DLC1: variants seen among roughly 807,000 people sequenced by gnomAD.
The protein encoded by DLC1 is rho GTPase-activating protein 7.
Under a neutral mutation model 140.3 loss-of-function variants are expected in DLC1, and 54 were observed. The ratio of observed to expected loss-of-function variants is 0.38; its 90% confidence interval spans 0.31 to 0.48. The LOEUF is 0.48. Among genes scored for constraint, DLC1 ranks in the 20% least tolerant of loss-of-function variants. The probability of loss-of-function intolerance (pLI) is 0.96; values close to 1 mark genes in which losing one functional copy is unlikely to be tolerated. For missense variants in DLC1, 2,536 were observed against 1,907.0 expected, an observed-to-expected ratio of 1.33 and a Z score of -6.14; for synonymous variants, 986 against 728.1, an observed-to-expected ratio of 1.35 and a Z score of -5.70.
chr8:13,307,024 C>T (rs2117528996), intron 4 of DLC1, among the ~76,000 whole-genome samples: 1 of 129,870 alleles, frequency 7.7e-6, no homozygotes, highest in South Asian at 2.5e-4. Flanking sequence ...ATAGAAGTTG[C>T]AGTGAGCCGA....
At chr8:13,562,211 A>T (rs563679200) in intron 1 of DLC1, among the ~76,000 whole-genome samples, 102 of 152,304 alleles carry the variant, frequency 6.7e-4, no homozygotes, top group South Asian at 1.5e-3. Flanking sequence ...AAGGGCAAGT[A>T]GGAAAAAGAT....
At chr8:13,345,938 T>C (rs1281312935) in intron 4 of DLC1, among the ~76,000 whole-genome samples, 3 of 152,202 alleles carry the variant, frequency 2.0e-5, no homozygotes, top group Non-Finnish European at 2.9e-5. Context: ...CATAAACCTT[T>C]GGTAGTTGTG....
chr8:13,323,088 C>T (rs1833190343), intron 4 of DLC1, among the ~76,000 whole-genome samples: 2 of 152,182 alleles, frequency 1.3e-5, no homozygotes, highest in South Asian at 2.1e-4. Flanking sequence ...CTGTGGAAAA[C>T]CCTATGACAT....
At chr8:13,563,804 T>C (rs1429823739) in intron 1 of DLC1, among the ~76,000 whole-genome samples, 1 of 152,180 alleles carries the variant, frequency 6.6e-6, no homozygotes. Flanking sequence ...ACCTTGCATC[T>C]GAATGTATTT....
intron 2 of DLC1, among the ~76,000 whole-genome samples, chr8:13,450,223 G>A (rs1386156771): frequency 1.3e-5 from 2 of 151,868 alleles, no homozygotes; most frequent in Non-Finnish European, 2.9e-5. Flanking sequence ...GGGGGGCTGA[G>A]GCAGGTGGAT....
At chr8:13,569,146 G>A (rs1229977416) in intron 1 of DLC1, among the ~76,000 whole-genome samples, 1 of 152,128 alleles carries the variant, frequency 6.6e-6, no homozygotes, top group Non-Finnish European at 1.5e-5. Context: ...ATGTTAGATG[G>A]CATTCTGAGA....
chr8:13,150,464 T>C (rs537568191), intron 5 of DLC1, among the ~76,000 whole-genome samples: 1 of 152,328 alleles, frequency 6.6e-6, no homozygotes, highest in East Asian at 1.9e-4. Flanking sequence ...CAAGGAGCTA[T>C]GGATGAGCCA....
At position 13,190,013 on chromosome 8, in the gene DLC1, A is replaced by G. The variant is rs544003910; in HGVS notation, c.1349-74356T>C. On this transcript the variant is annotated intron_variant, in intron 5 of 17. Coordinates refer to ENST00000276297, the MANE Select transcript of DLC1 (RefSeq NM_182643.3). The stretch of plus-strand genomic sequence containing the variant: ...CCAAAAGACATATGATGAAGCCATC[A>G]TTGTAATTTAAAATTTTCCAGTAGC... Among the ~76,000 whole-genome samples the G allele has an allele frequency of 1.1e-3, 170 of 152,328 alleles. 1 individual carries two copies. Among genetic ancestry groups the G allele is most frequent in the African/African-American group, 4.0e-3 (166 of 41,578 alleles).
intron 2 of DLC1, among the ~76,000 whole-genome samples, chr8:13,455,361 A>T (rs1799334648): frequency 6.6e-6 from 1 of 152,060 alleles, no homozygotes; most frequent in African/African-American, 2.4e-5. Context: ...AAGCACTCCA[A>T]GTGTCCCATG....
intron 5 of DLC1, among the ~76,000 whole-genome samples, chr8:13,200,852 C>T (rs553236057): frequency 6.6e-6 from 1 of 152,258 alleles, no homozygotes; most frequent in African/African-American, 2.4e-5. Context: ...CCAGACTTGG[C>T]CCCCCAAACT....
intron 2 of DLC1, among the ~76,000 whole-genome samples, chr8:13,448,389 G>T (rs1798889253): frequency 6.7e-6 from 1 of 148,528 alleles, no homozygotes. Flanking sequence ...TTTGAGACAG[G>T]GTCTCGCTCT....
At chr8:13,570,987 G>A (rs924588375) in intron 1 of DLC1, among the ~76,000 whole-genome samples, 2 of 152,064 alleles carry the variant, frequency 1.3e-5, no homozygotes, top group Non-Finnish European at 2.9e-5. Context: ...GAGAACTCAC[G>A]GAATCAGGGA....
chr8:13,424,122 A>G (rs949480196), intron 2 of DLC1, among the ~76,000 whole-genome samples: 1 of 152,212 alleles, frequency 6.6e-6, no homozygotes, highest in Non-Finnish European at 1.5e-5. Context: ...GTGTTCTGGC[A>G]GACTGTCCTC....
intron 1 of DLC1, among the ~76,000 whole-genome samples, chr8:13,568,438 A>G (rs1282598154): frequency 6.6e-6 from 1 of 152,160 alleles, no homozygotes; most frequent in Non-Finnish European, 1.5e-5. Flanking sequence ...TGACAGTTTG[A>G]AGAAACATTT....
At chr8:13,155,221 G>A (rs1824164069) in intron 5 of DLC1, among the ~76,000 whole-genome samples, 2 of 150,652 alleles carry the variant, frequency 1.3e-5, no homozygotes, top group East Asian at 3.9e-4. Context: ...CTATTATATG[G>A]CTATATCCTA....
intron 5 of DLC1, among the ~76,000 whole-genome samples, chr8:13,197,280 T>C (rs1827119465): frequency 6.6e-6 from 1 of 152,182 alleles, no homozygotes; most frequent in Admixed American, 6.5e-5. Flanking sequence ...AGCTCTCCTA[T>C]GCTGATCAGA....
intron 2 of DLC1, among the ~76,000 whole-genome samples, chr8:13,443,657 CAA>C (rs11321891): frequency 7.3e-4 from 49 of 67,012 alleles, no homozygotes; most frequent in African/African-American, 1.7e-3. Context: ...GACTCCGTCT[CAA>C]AAAAAAAAAA....
intron 1 of DLC1, among the ~76,000 whole-genome samples, chr8:13,585,727 A>G (rs1348259358): frequency 1.3e-5 from 2 of 152,162 alleles, no homozygotes; most frequent in African/African-American, 2.4e-5. Flanking sequence ...CTTGGCTTGT[A>G]GGAACATCAC....
chr8:13,102,753 T>C (rs1321996277), intron 8 of DLC1, 37 bp downstream of exon 8: 3 of 1,579,388 alleles, frequency 1.9e-6, no homozygotes, highest in Admixed American at 1.7e-5. Flanking sequence ...GTTTGCCCCT[T>C]TTCCCCCTCA....
Sources: allele counts gnomAD v4.1 joint callset (sites outside exome capture counted in the v4.1 genomes callset), GRCh38; gene constraint gnomAD v4.1.1; transcripts MANE v1.5; gene names NCBI Gene and HGNC (gene_info 2026-07-23, HGNC 2026-07-21).